FNDC1: variants seen among roughly 807,000 people sequenced by gnomAD.
The protein encoded by FNDC1 is fibronectin type III domain containing 1.
Under a neutral mutation model 168.0 loss-of-function variants are expected in FNDC1, and 96 were observed. That is an observed-to-expected ratio of 0.57 (90% CI 0.48 to 0.68). The LOEUF is 0.68. Among genes scored for constraint, FNDC1 ranks in the 30% least tolerant of loss-of-function variants. FNDC1 has a pLI of 0.00. For synonymous variants in FNDC1, 1,099 were observed against 1,025.9 expected, an observed-to-expected ratio of 1.07 and a Z score of -1.36; for missense variants, 2,587 against 2,482.1, an observed-to-expected ratio of 1.04 and a Z score of -0.90.
chr6:159,262,237 C>T (rs997269572), intron 19 of FNDC1, among the ~76,000 whole-genome samples: 11 of 152,200 alleles, frequency 7.2e-5, no homozygotes, highest in Admixed American at 5.2e-4. Flanking sequence ...GCTGAGCCAG[C>T]CCTGCACCCA....
At chr6:159,172,382 C>A (rs1413319152) in intron 1 of FNDC1, among the ~76,000 whole-genome samples, 1 of 152,216 alleles carries the variant, frequency 6.6e-6, no homozygotes, top group East Asian at 1.9e-4. Flanking sequence ...AGGGAACTTG[C>A]TACTTCTAGT....
At chr6:159,193,960 C>T (rs1782189971) in intron 1 of FNDC1, among the ~76,000 whole-genome samples, 1 of 152,188 alleles carries the variant, frequency 6.6e-6, no homozygotes, top group African/African-American at 2.4e-5. Flanking sequence ...ATTATTTTGC[C>T]ACTCAGTCCC....
chr6:159,243,968 G>A (rs1409291129), intron 14 of FNDC1, among the ~76,000 whole-genome samples: 1 of 152,172 alleles, frequency 6.6e-6, no homozygotes, highest in Non-Finnish European at 1.5e-5. Context: ...ATGCACTGGA[G>A]TATTTCAGCA....
chr6:159,219,713 A>C (rs1427827224), intron 5 of FNDC1, among the ~76,000 whole-genome samples: 1 of 152,146 alleles, frequency 6.6e-6, no homozygotes, highest in African/African-American at 2.4e-5. Flanking sequence ...GAGTGCAGCA[A>C]ATCAAGAAAT....
At chr6:159,193,828 T>G (rs1294997375) in intron 1 of FNDC1, among the ~76,000 whole-genome samples, 2 of 152,176 alleles carry the variant, frequency 1.3e-5, no homozygotes, top group African/African-American at 4.8e-5. Flanking sequence ...GAAATCTAGG[T>G]GGGGATTGTG....
At chr6:159,216,939 TCTGGAGGGGCCTCTTCCCTTAC>T (rs1310817666) in intron 5 of FNDC1, among the ~76,000 whole-genome samples, 1 of 152,048 alleles carries the variant, frequency 6.6e-6, no homozygotes, top group Non-Finnish European at 1.5e-5. Context: ...TCTTCCCTTA[TCTGGAGGGGCCTCTTCCCTTAC>T]CTGGTCTCTT....
chr6:159,258,518 T>A (rs1452377958), intron 18 of FNDC1, among the ~76,000 whole-genome samples: 8 of 152,140 alleles, frequency 5.3e-5, no homozygotes, highest in Admixed American at 4.6e-4. Context: ...AAGAAGTGTG[T>A]GTCCTAGGAA....
At chr6:159,213,891 A>G (rs935517583) in intron 4 of FNDC1, among the ~76,000 whole-genome samples, 2 of 152,200 alleles carry the variant, frequency 1.3e-5, no homozygotes, top group African/African-American at 2.4e-5. Flanking sequence ...GGTGTCTGCC[A>G]TTTCAGCATC....
rs1188066576 is a variant in FNDC1 at position 159,234,440 on chromosome 6, C to T, written c.3928C>T (p.Pro1310Ser). Residue 1310 changes from proline (P) to serine (S), a missense_variant, in exon 11 of 23, where the codon CCT becomes TCT. Physicochemically the swap from Pro to Ser is moderately conservative, Grantham distance 74. Coordinates refer to ENST00000297267, the MANE Select transcript of FNDC1 (RefSeq NM_032532.3). The part of the protein sequence containing the change: ...QRMMHARFRN[P>S]LSRQPARPSY... ...GATGATGCATGCCAGATTCCGTAAC[C>T]CTCTCTCCCGACAGCCTGCCAGACC... is the stretch of plus-strand genomic sequence containing the variant. The T allele has an allele frequency of 6.2e-7, 1 of 1,613,414 alleles. No individual in the cohort carries two copies. Among genetic ancestry groups the T allele is most frequent in the East Asian group, 2.2e-5 (1 of 44,896 alleles).
intron 11 of FNDC1, among the ~76,000 whole-genome samples, chr6:159,235,338 G>A (rs993199049): frequency 6.6e-6 from 1 of 150,756 alleles, no homozygotes; most frequent in Non-Finnish European, 1.5e-5. Context: ...TTGCAGATCT[G>A]TACAATGCAT....
At position 159,246,958 on chromosome 6, in the gene FNDC1, T is replaced by C; in HGVS notation, c.4679T>C (p.Ile1560Thr). The C allele has an allele frequency of 6.2e-7, 1 of 1,610,830 alleles. No homozygotes were observed. ...TAVPTEEAYV[I>T]YDEDYEFETS... ...GTACCTACGGAAGAGGCCTACGTTA[T>C]ATATGATGAAGGTACAAACTGGCTT... The change falls in exon 15 of 23, where the codon ATA (isoleucine) becomes ACA (threonine). Residue 1560 changes from isoleucine to threonine, a missense_variant. By Grantham distance (89) the Ile-to-Thr change is moderately conservative. Transcript: ENST00000297267.
intron 4 of FNDC1, among the ~76,000 whole-genome samples, chr6:159,213,288 G>A (rs1172992356): frequency 5.3e-5 from 8 of 152,170 alleles, no homozygotes; most frequent in Admixed American, 2.0e-4. Context: ...CAGAGCCACC[G>A]GCAGACACTG....
In FNDC1 at chr6:159,232,724, T is replaced by G; in HGVS notation, c.2212T>G (p.Ser738Ala). 6.2e-7 allele frequency: 1 copy of G among 1,613,618 alleles called. No individual in the cohort carries two copies. Among genetic ancestry groups the G allele is most frequent in the South Asian group, 1.1e-5 (1 of 91,060 alleles). ...RLLPTQPHLSSPLSKGGKDGE... is the reference protein window; with the variant it reads ...RLLPTQPHLSAPLSKGGKDGE... ...GCTGCCCACCCAGCCACACCTGAGCTCTCCACTTTCCAAGGGCGGGAAGGA... is the reference window on the plus strand; with the variant it reads ...GCTGCCCACCCAGCCACACCTGAGCGCTCCACTTTCCAAGGGCGGGAAGGA... The change falls in exon 11 of 23, where the codon TCT becomes GCT. Residue 738 changes from serine to alanine, a missense_variant. By Grantham distance (99) the Ser-to-Ala change is moderately conservative. Transcript: ENST00000297267. This position sits in a 1 kb window ranked among gnomAD's most constrained non-coding sequence, Gnocchi z 4.9.
At chr6:159,174,142 G>A (rs1166534044) in intron 1 of FNDC1, among the ~76,000 whole-genome samples, 1 of 152,226 alleles carries the variant, frequency 6.6e-6, no homozygotes, top group Non-Finnish European at 1.5e-5. Context: ...GTATGTGTAT[G>A]TATTTACTTG....
At chr6:159,229,235 C>A (rs1783028918) in intron 9 of FNDC1, among the ~76,000 whole-genome samples, 1 of 152,174 alleles carries the variant, frequency 6.6e-6, no homozygotes, top group Non-Finnish European at 1.5e-5. Context: ...TATTACTTAA[C>A]AACTTTTCTT....
chr6:159,233,061 A>T lies in FNDC1; in HGVS notation c.2549A>T (p.Gln850Leu). ...CGGCTGCAGCCCTCCAGCTCCCCACAGTCGACTGTGCCCTCCCGAGCCCAC... is the reference window on the plus strand; with the variant it reads ...CGGCTGCAGCCCTCCAGCTCCCCACTGTCGACTGTGCCCTCCCGAGCCCAC... ...GPRLQPSSSP[Q>L]STVPSRAHPR... The change falls in exon 11 of 23, where the codon CAG becomes CTG. Residue 850 changes from glutamine (Q) to leucine (L), a missense_variant. Physicochemically the swap from Gln to Leu is moderately radical, Grantham distance 113. Transcript: ENST00000297267. This position sits in a 1 kb window ranked among gnomAD's most constrained non-coding sequence, Gnocchi z 4.6. The T allele has an allele frequency of 6.2e-7, 1 of 1,609,794 alleles. No individual in the cohort carries two copies. Among genetic ancestry groups the T allele is most frequent in the Non-Finnish European group, 8.5e-7 (1 of 1,178,284 alleles).
At position 159,265,014 on chromosome 6, in the gene FNDC1, T is replaced by C. The variant is rs1777561166; in HGVS notation, c.5284+10T>C. On this transcript the variant is annotated intron_variant, in intron 20 of 22. Coordinates refer to ENST00000297267, the MANE Select transcript of FNDC1 (RefSeq NM_032532.3). ...GTTGTGAGGCCCCCAGGTAAGTTTA[T>C]GTTCTTGATAATCTGGACATTCTGG... 1 of 1,601,810 alleles carries C rather than the reference T, an allele frequency of 6.2e-7. No homozygotes were observed. The highest frequency in any genetic ancestry group is 2.2e-5 in the East Asian group (1 of 44,740).
chr6:159,208,328 C>T (rs909353024), intron 4 of FNDC1, among the ~76,000 whole-genome samples: 8 of 152,172 alleles, frequency 5.3e-5, no homozygotes, highest in Non-Finnish European at 8.8e-5. Context: ...AGATAAGCTA[C>T]GGCCACAGAT....
intron 1 of FNDC1, among the ~76,000 whole-genome samples, chr6:159,188,619 C>A (rs1367415470): frequency 4.0e-5 from 6 of 151,814 alleles, no homozygotes; most frequent in African/African-American, 1.5e-4. Flanking sequence ...ACCTCGTGAT[C>A]CACCTGCCTC....
Sources: allele counts gnomAD v4.1 joint callset (sites outside exome capture counted in the v4.1 genomes callset), GRCh38; gene constraint gnomAD v4.1.1; non-coding constraint Gnocchi (gnomAD v3.1); transcripts MANE v1.5; gene names NCBI Gene and HGNC (gene_info 2026-07-23, HGNC 2026-07-21).